The following ARHGAP15 variants were observed in gnomAD, a reference collection of about 807,000 sequenced individuals.
ARHGAP15 encodes rho GTPase-activating protein 15.
Under a neutral mutation model 63.7 loss-of-function variants are expected in ARHGAP15, and 51 were observed. The observed-to-expected ratio is 0.80, with a 90% CI of 0.64 to 1.01. The LOEUF is 1.01. Ranked by LOEUF, ARHGAP15 falls within the 50% of genes least tolerant of loss-of-function variation. The probability of loss-of-function intolerance (pLI) is 0.00; values close to 1 mark genes in which losing one functional copy is unlikely to be tolerated. For synonymous variants in ARHGAP15, 191 were observed against 193.8 expected, an observed-to-expected ratio of 0.99 and a Z score of 0.12; for missense variants, 560 against 564.6, an observed-to-expected ratio of 0.99 and a Z score of 0.08.
chr2:143,233,646 C>CTTA (rs1574128765), intron 5 of ARHGAP15, among the ~76,000 whole-genome samples: 1 of 132,172 alleles, frequency 7.6e-6, no homozygotes, highest in East Asian at 2.2e-4. Flanking sequence ...CAATAGCTAT[C>CTTA]TTTTTTTTTT....
intron 12 of ARHGAP15, among the ~76,000 whole-genome samples, chr2:143,634,284 A>G (rs1447682075): frequency 1.3e-5 from 2 of 152,086 alleles, no homozygotes; most frequent in African/African-American, 2.4e-5. Flanking sequence ...GAAGTCTCTC[A>G]TCAGCTAAGC....
intron 13 of ARHGAP15, among the ~76,000 whole-genome samples, chr2:143,748,977 TC>T (rs1020642781): frequency 1.3e-5 from 2 of 152,022 alleles, no homozygotes; most frequent in Admixed American, 6.6e-5. Context: ...ATTTTTTTTT[TC>T]CCCCTACAAG....
chr2:143,473,601 A>G (rs1439698610), intron 8 of ARHGAP15, among the ~76,000 whole-genome samples: 1 of 152,218 alleles, frequency 6.6e-6, no homozygotes, highest in Non-Finnish European at 1.5e-5. Flanking sequence ...CCCTGTTGGA[A>G]TAAATGCTGA....
chr2:143,442,646 C>T (rs1246699492), intron 8 of ARHGAP15, among the ~76,000 whole-genome samples: 2 of 151,974 alleles, frequency 1.3e-5, no homozygotes, highest in Non-Finnish European at 2.9e-5. Context: ...GACAGATGTT[C>T]TTTGTAAAAA....
At chr2:143,366,042 A>G (rs1363464795) in intron 6 of ARHGAP15, among the ~76,000 whole-genome samples, 3 of 152,166 alleles carry the variant, frequency 2.0e-5, no homozygotes, top group Non-Finnish European at 4.4e-5. Flanking sequence ...AAGTTTTATT[A>G]CCACTAATTT....
At chr2:143,301,560 A>G (rs1246621969) in intron 6 of ARHGAP15, among the ~76,000 whole-genome samples, 1 of 151,942 alleles carries the variant, frequency 6.6e-6, no homozygotes, top group East Asian at 1.9e-4. Flanking sequence ...AAATATCTTC[A>G]TAGAGTTTAT....
At chr2:143,433,617 CTAAAG>C (rs2105084312) in intron 6 of ARHGAP15, among the ~76,000 whole-genome samples, 1 of 152,216 alleles carries the variant, frequency 6.6e-6, no homozygotes, top group African/African-American at 2.4e-5. Context: ...AAACGCACTG[CTAAAG>C]TACTTATATT....
intron 8 of ARHGAP15, among the ~76,000 whole-genome samples, chr2:143,465,665 T>G (rs1691164751): frequency 6.6e-6 from 1 of 151,604 alleles, no homozygotes; most frequent in African/African-American, 2.4e-5. Context: ...ATAAAATACT[T>G]GAAAACATAA....
chr2:143,414,696 G>A (rs1230024213), intron 6 of ARHGAP15, among the ~76,000 whole-genome samples: 1 of 152,210 alleles, frequency 6.6e-6, no homozygotes, highest in Admixed American at 6.5e-5. Flanking sequence ...CACTTTGGAT[G>A]GCGAAGGCAG....
At chr2:143,620,471 C>T (rs993874920) in intron 11 of ARHGAP15, among the ~76,000 whole-genome samples, 6 of 152,276 alleles carry the variant, frequency 3.9e-5, no homozygotes, top group South Asian at 2.1e-4. Context: ...AGCATAGCCT[C>T]GAGTTAGACA....
intron 13 of ARHGAP15, among the ~76,000 whole-genome samples, chr2:143,705,317 C>A (rs999688027): frequency 6.6e-6 from 1 of 152,068 alleles, no homozygotes; most frequent in Non-Finnish European, 1.5e-5. Flanking sequence ...ATACTGGCTA[C>A]GGTGAGAAAT....
intron 5 of ARHGAP15, among the ~76,000 whole-genome samples, chr2:143,246,849 T>C (rs1359309264): frequency 6.6e-6 from 1 of 151,982 alleles, no homozygotes; most frequent in South Asian, 2.1e-4. Context: ...AGCAGCAGAA[T>C]GAAAATCACT....
At chr2:143,315,169 T>A (rs1011968618) in intron 6 of ARHGAP15, among the ~76,000 whole-genome samples, 1 of 152,154 alleles carries the variant, frequency 6.6e-6, no homozygotes, top group Non-Finnish European at 1.5e-5. Context: ...TTTTAACATA[T>A]CAGCCTTTCA....
In ARHGAP15 at chr2:143,284,521, A is replaced by G. The variant is rs1384455487; in HGVS notation, c.474+33921A>G. ...GCTAAAAGACAATTGGAAAATATAT[A>G]AATAAATAAAAAGTAACTGGCAGCT... is the stretch of plus-strand genomic sequence containing the variant. On this transcript the variant is annotated intron_variant, in intron 6 of 13. Coordinates refer to ENST00000295095, the MANE Select transcript of ARHGAP15 (RefSeq NM_018460.4). Among the ~76,000 whole-genome samples the G allele has an allele frequency of 2.0e-5, 3 of 152,120 alleles. No individual in the cohort carries two copies. The East Asian group carries it at 5.8e-4, about 29-fold the overall frequency.
At chr2:143,641,718 T>G (rs1419336291) in intron 12 of ARHGAP15, among the ~76,000 whole-genome samples, 1 of 152,148 alleles carries the variant, frequency 6.6e-6, no homozygotes, top group Non-Finnish European at 1.5e-5. Context: ...GTAGATGAAA[T>G]GCCAAAGTTC....
rs532262946 is a variant in ARHGAP15, at chr2:143,240,052, T to C, written c.385-10459T>C. On this transcript the variant is annotated intron_variant, in intron 5 of 13. Coordinates refer to ENST00000295095, the MANE Select transcript of ARHGAP15 (RefSeq NM_018460.4). ...CATGCACACATGGTGGTCATGCACC[T>C]GTAAGTCCAGCTACGTAGGAGGTCG... Among the ~76,000 whole-genome samples the C allele has an allele frequency of 2.1e-5, 3 of 139,896 alleles. No individual in the cohort carries two copies. In the East Asian group the frequency reaches 6.5e-4, roughly 30 times the overall value. The allele number at this position is 139,896 out of a possible 152,430, so 91.8% of individuals were successfully genotyped here.
chr2:143,189,787 T>C (rs1691607368), intron 2 of ARHGAP15, among the ~76,000 whole-genome samples: 1 of 152,144 alleles, frequency 6.6e-6, no homozygotes, highest in African/African-American at 2.4e-5. Context: ...TACTCGTGTG[T>C]TCGCTTTTCC....
At chr2:143,333,887 A>G (rs1362269999) in intron 6 of ARHGAP15, among the ~76,000 whole-genome samples, 3 of 152,214 alleles carry the variant, frequency 2.0e-5, no homozygotes, top group African/African-American at 4.8e-5. Flanking sequence ...CCTGCTATTC[A>G]AAAATTGTTT....
intron 8 of ARHGAP15, among the ~76,000 whole-genome samples, chr2:143,449,553 G>A (rs1274813600): frequency 6.6e-6 from 1 of 151,998 alleles, no homozygotes; most frequent in African/African-American, 2.4e-5. Flanking sequence ...GAGCAGCAAC[G>A]TAGCTGTTTT....
Sources: gnomAD v4.1 joint callset for allele counts (sites outside exome capture counted in the v4.1 genomes callset) on GRCh38, gnomAD v4.1.1 for gene constraint, MANE v1.5 for transcripts, NCBI Gene and HGNC (gene_info 2026-07-23, HGNC 2026-07-21) for gene names.